AVPR1A: variants seen among roughly 807,000 people sequenced by gnomAD.
The protein encoded by AVPR1A is arginine vasopressin receptor 1A, also known as vasopressin V1a receptor.
In AVPR1A, 31 loss-of-function variants were observed where a neutral mutation model predicts 31.5. The observed-to-expected ratio is 0.99, with a 90% CI of 0.74 to 1.33. AVPR1A has a LOEUF of 1.33. Ranked by LOEUF, AVPR1A falls within the 40% of genes most tolerant of loss-of-function variation. AVPR1A has a pLI of 0.00. For synonymous variants in AVPR1A, 243 were observed against 233.2 expected (o/e 1.04, Z -0.38); for missense variants, 570 against 575.2 (o/e 0.99, Z 0.09).
In AVPR1A at chr12:63,144,362, A is replaced by G. The variant is rs1868342099; in HGVS notation, c.*2997T>C. On this transcript the variant is annotated 3_prime_UTR_variant, in exon 2 of 2. Transcript: ENST00000299178. Reference sequence around the variant, plus strand: ...TGTTTATTTACCATCATCAGTTAATATTCATCAAATGCCCAACTGATTAGT... The same window carrying G: ...TGTTTATTTACCATCATCAGTTAATGTTCATCAAATGCCCAACTGATTAGT... The G allele has an allele frequency of 1.3e-5, 2 of 152,220 alleles. No homozygotes were observed. The highest frequency in any genetic ancestry group is 6.5e-5 in the Admixed American group (1 of 15,282). The allele number at this position is 152,220 out of a possible 1,614,324, so 9.4% of individuals were successfully genotyped here.
In AVPR1A at chr12:63,145,369, C is replaced by G. The variant is rs906633257; in HGVS notation, c.*1990G>C. ...GCTTCCGGGTTCTCACAGTGCTATC[C>G]AGTTCTCATTTTCTTATCTACAAAG... On this transcript the variant is annotated 3_prime_UTR_variant, in exon 2 of 2. Transcript: ENST00000299178. The G allele has an allele frequency of 6.6e-6, 3 of 455,534 alleles. No homozygotes were observed. Among genetic ancestry groups the G allele is most frequent in the African/African-American group, 6.0e-5 (3 of 49,976 alleles). The allele number at this position is 455,534 out of a possible 1,614,324, so 28.2% of individuals were successfully genotyped here.
In AVPR1A at chr12:63,150,458, C is replaced by A; in HGVS notation, c.379G>T (p.Val127Leu). Reference protein sequence around the residue: ...FRGPDWLCRVVKHLQVFGMFA... With the variant: ...FRGPDWLCRVLKHLQVFGMFA... ...ATGCCGAACACCTGCAGGTGCTTCA[C>A]CACGCGGCACAGCCAGTCGGGGCCG... Residue 127 changes from valine (V) to leucine (L), a missense_variant, in exon 1 of 2, where the codon GTG (valine) becomes TTG (leucine). Coordinates refer to ENST00000299178, the MANE Select transcript of AVPR1A (RefSeq NM_000706.5). This position sits in a 1 kb window ranked among gnomAD's most constrained non-coding sequence, Gnocchi z 4.9. The A allele has an allele frequency of 6.2e-7, 1 of 1,613,564 alleles. No homozygotes were observed. Among genetic ancestry groups the A allele is most frequent in the South Asian group, 1.1e-5 (1 of 91,048 alleles).
At position 63,147,343 on chromosome 12, in the gene AVPR1A, T is replaced by G. The variant is rs373731451; in HGVS notation, c.*16A>C. ...AAAAAGTCAATCACAAGAATCAAGT[T>G]GCATGAATGCAAGGCTCAAGTTGAA... is the stretch of plus-strand genomic sequence containing the variant. On this transcript the variant is annotated 3_prime_UTR_variant, in exon 2 of 2. Transcript: ENST00000299178. 8 of 1,606,364 alleles carry G rather than the reference T, an allele frequency of 5.0e-6. No homozygotes were observed. The highest frequency in any genetic ancestry group is 6.8e-6 in the Non-Finnish European group (8 of 1,173,822).
chr12:63,150,245 T>C lies in AVPR1A; in HGVS notation c.592A>G (p.Thr198Ala), dbSNP rs1868442688. The stretch of plus-strand genomic sequence containing the variant: ...GTGGCCCAGCAGTCGCGGGCCTTGG[T>C]GACATTGTTCACCTCGATCATGGAG... Reference protein sequence around the residue: ...VFSMIEVNNVTKARDCWATFI... With the variant: ...VFSMIEVNNVAKARDCWATFI... Residue 198 changes from threonine (T) to alanine (A), a missense_variant, in exon 1 of 2, where the codon ACC becomes GCC. By Grantham distance (58) the Thr-to-Ala change is moderately conservative. Coordinates refer to ENST00000299178, the MANE Select transcript of AVPR1A (RefSeq NM_000706.5). This position sits in a 1 kb window ranked among gnomAD's most constrained non-coding sequence, Gnocchi z 4.9. 1 of 1,613,818 alleles carries C rather than the reference T, an allele frequency of 6.2e-7. No individual in the cohort carries two copies. Among genetic ancestry groups the C allele is most frequent in the Non-Finnish European group, 8.5e-7 (1 of 1,180,012 alleles).
chr12:63,145,403 A>G lies in AVPR1A; in HGVS notation c.*1956T>C, dbSNP rs1316010499. The G allele has an allele frequency of 2.2e-6, 1 of 455,088 alleles. No homozygotes were observed. The highest frequency in any genetic ancestry group is 4.4e-6 in the Non-Finnish European group (1 of 226,628). 28.2% of individuals were successfully genotyped at this position (455,088 alleles called of 1,614,324 possible). A position where few individuals can be genotyped will look rare whatever the true frequency, so the allele number is the denominator to read the frequency against. The stretch of plus-strand genomic sequence containing the variant: ...TTTTCTTATCTACAAAGGTAAAAAA[A>G]GAAACTCAATAATACTATTAAAACC... On this transcript the variant is annotated 3_prime_UTR_variant, in exon 2 of 2. Transcript: ENST00000299178.
chr12:63,150,595 C>T lies in AVPR1A; in HGVS notation c.242G>A (p.Arg81His), dbSNP rs372577812. 28 of 1,610,514 alleles carry T rather than the reference C, an allele frequency of 1.7e-5. No individual in the cohort carries two copies. In the African/African-American group the frequency reaches 3.5e-4, roughly 20 times the overall value. ...SVLLALHRTP[R>H]KTSRMHLFIR... ...GAAGAGGTGCATGCGGGACGTCTTG[C>T]GCGGCGTCCGGTGCAGAGCCAGCAG... Residue 81 changes from arginine to histidine, a missense_variant, in exon 1 of 2, where the codon CGC (arginine) becomes CAC (histidine). Transcript: ENST00000299178. This position sits in a 1 kb window ranked among gnomAD's most constrained non-coding sequence, Gnocchi z 4.9.
In AVPR1A at chr12:63,144,936, T is replaced by TG. The variant is rs1482913586; in HGVS notation, c.*2422dup. 6.6e-6 allele frequency: 1 copy of TG among 152,586 alleles called. No individual in the cohort carries two copies. Among genetic ancestry groups the TG allele is most frequent in the African/African-American group, 2.4e-5 (1 of 41,440 alleles). 9.5% of individuals were successfully genotyped at this position (152,586 alleles called of 1,614,324 possible). On this transcript the variant is annotated 3_prime_UTR_variant, in exon 2 of 2. Transcript: ENST00000299178. Reference sequence around the variant, plus strand: ...AACATTCAAATTGAATTGTTTTGCTTGGGGGTACATATCAACATTTTGAAG... The same window carrying TG: ...AACATTCAAATTGAATTGTTTTGCTTGGGGGGTACATATCAACATTTTGAAG...
intron 1 of AVPR1A, 25 bp from the exon 2 acceptor site, chr12:63,147,670 T>A (rs1314129778): frequency 6.2e-7 from 1 of 1,600,982 alleles, no homozygotes; most frequent in Non-Finnish European, 8.5e-7. Flanking sequence ...TAAAGGGAAA[T>A]CATGTAATGT....
Position 63,150,000 on chromosome 12 carries a change from C to T in AVPR1A, c.837G>A (p.Val279=), listed in dbSNP as rs1868433746. 1 of 1,614,040 alleles carries T rather than the reference C, an allele frequency of 6.2e-7. No individual in the cohort carries two copies. The highest frequency in any genetic ancestry group is 8.5e-7 in the Non-Finnish European group (1 of 1,180,046). Residue 279 remains valine (V), a synonymous_variant, in exon 1 of 2, where the codon GTG becomes GTA. Coordinates refer to ENST00000299178, the MANE Select transcript of AVPR1A (RefSeq NM_000706.5). ...GFLLAPCVSS[V]KSISRAKIRT... ...GGATCTTGGCCCGGGAAATGGACTT[C>T]ACGCTGCTGACACAGGGTGCGAGCA...
rs181053969 is a variant in AVPR1A at position 63,150,267 on chromosome 12, G to A, written c.570C>T (p.Ser190=). The change falls in exon 1 of 2, where the codon TCC becomes TCT. Residue 190 remains serine, a synonymous_variant. Transcript: ENST00000299178. The surrounding 1 kb of genome is among the most constrained non-coding windows in gnomAD (Gnocchi z 4.9). ...TGGTGACATTGTTCACCTCGATCAT[G>A]GAGAAGACGAAGTACTGCGGCGTGC... ...VLSTPQYFVF[S]MIEVNNVTKA... 3 of 1,613,810 alleles carry A rather than the reference G, an allele frequency of 1.9e-6. No individual in the cohort carries two copies. The highest frequency in any genetic ancestry group is 2.5e-6 in the Non-Finnish European group (3 of 1,180,050).
chr12:63,144,982 GT>G lies in AVPR1A; in HGVS notation c.*2376del, dbSNP rs36014760. 16,734 of 155,406 alleles carry G rather than the reference GT, an allele frequency of 0.11. 1,103 individuals carry two copies. Among genetic ancestry groups the G allele is most frequent in the South Asian group, 0.16 (843 of 5,180 alleles). 9.6% of individuals were successfully genotyped at this position (155,406 alleles called of 1,614,324 possible). ...TGAAGCAAGATCTATAGGTTCTGAG[GT>G]TCTTACTTTGGAAATGGATTTAGAA... On this transcript the variant is annotated 3_prime_UTR_variant, in exon 2 of 2. Coordinates refer to ENST00000299178, the MANE Select transcript of AVPR1A (RefSeq NM_000706.5).
rs1392060259 is a variant in AVPR1A, at chr12:63,150,660, C to G, written c.177G>C (p.Ala59=). 1.9e-6 allele frequency: 3 copies of G among 1,608,948 alleles called. No individual in the cohort carries two copies. Among genetic ancestry groups the G allele is most frequent in the African/African-American group, 2.7e-5 (2 of 74,940 alleles). The part of the protein sequence containing the change: ...ELAKLEIAVL[A]VTFAVAVLGN... ...CCAGCACGGCCACCGCGAAAGTCAC[C>G]GCCAGCACGGCGATCTCCAGTTTGG... is the stretch of plus-strand genomic sequence containing the variant. The change falls in exon 1 of 2, where the codon GCG becomes GCC. Residue 59 remains alanine (A), a synonymous_variant. Transcript: ENST00000299178. The surrounding 1 kb of genome is among the most constrained non-coding windows in gnomAD (Gnocchi z 4.9).
rs1592331401 is a variant in AVPR1A at position 63,145,606 on chromosome 12, A to G, written c.*1753T>C. 1 of 190,256 alleles carries G rather than the reference A, an allele frequency of 5.3e-6. No homozygotes were observed. Among genetic ancestry groups the G allele is most frequent in the East Asian group, 1.3e-4 (1 of 7,490 alleles). The allele number at this position is 190,256 out of a possible 1,614,324, so 11.8% of individuals were successfully genotyped here. On this transcript the variant is annotated 3_prime_UTR_variant, in exon 2 of 2. Coordinates refer to ENST00000299178, the MANE Select transcript of AVPR1A (RefSeq NM_000706.5). ...CGCCACTGCACTCCAGCCTGGCAAAAGAGCAAGACTCTGTTTCAAAAAAAA... is the reference window on the plus strand; with the variant it reads ...CGCCACTGCACTCCAGCCTGGCAAAGGAGCAAGACTCTGTTTCAAAAAAAA...
rs1283534166 is a variant in AVPR1A at position 63,143,849 on chromosome 12, G to A, written c.*3510C>T. On this transcript the variant is annotated 3_prime_UTR_variant, in exon 2 of 2. Transcript: ENST00000299178. ...TCTAACCTCTGATATTTGGGGTGAA[G>A]GATTAGGTTTAATTTCTCCCTGGTT... is the stretch of plus-strand genomic sequence containing the variant. 2 of 152,124 alleles carry A rather than the reference G, an allele frequency of 1.3e-5. No individual in the cohort carries two copies. Among genetic ancestry groups the A allele is most frequent in the Non-Finnish European group, 2.9e-5 (2 of 68,026 alleles). 9.4% of individuals were successfully genotyped at this position (152,124 alleles called of 1,614,324 possible). A position where few individuals can be genotyped will look rare whatever the true frequency, so the allele number is the denominator to read the frequency against.
Position 63,149,798 on chromosome 12 carries a change from T to TCACA in AVPR1A, c.970+65_970+68dup, listed in dbSNP as rs34199280. 664 of 937,354 alleles carry TCACA rather than the reference T, an allele frequency of 7.1e-4. 3 individuals are homozygous for TCACA. The highest frequency in any genetic ancestry group is 3.7e-3 in the South Asian group (171 of 45,892). The allele number at this position is 937,354 out of a possible 1,614,324, so 58.1% of individuals were successfully genotyped here. ...CTCTCTCTCTCTCTCTCTCTCTCTC[T>TCACA]CACACACACACACACACACACACAC... On this transcript the variant is annotated intron_variant, in intron 1 of 1. Transcript: ENST00000299178.
In AVPR1A at chr12:63,145,274, C is replaced by A. The variant is rs1868348815; in HGVS notation, c.*2085G>T. On this transcript the variant is annotated 3_prime_UTR_variant, in exon 2 of 2. Coordinates refer to ENST00000299178, the MANE Select transcript of AVPR1A (RefSeq NM_000706.5). Reference sequence around the variant, plus strand: ...AAGCATTTGGAAACATGTTTTTAGGCCTATCAATACAAGGAGCCTAAGGGC... The same window carrying A: ...AAGCATTTGGAAACATGTTTTTAGGACTATCAATACAAGGAGCCTAAGGGC... 4 of 421,986 alleles carry A rather than the reference C, an allele frequency of 9.5e-6. No homozygotes were observed. Among genetic ancestry groups the A allele is most frequent in the Non-Finnish European group, 1.8e-5 (4 of 216,838 alleles). The allele number at this position is 421,986 out of a possible 1,614,324, so 26.1% of individuals were successfully genotyped here.
At position 63,147,437 on chromosome 12, in the gene AVPR1A, G is replaced by T; in HGVS notation, c.1179C>A (p.Ser393Arg). Residue 393 changes from serine to arginine, a missense_variant, in exon 2 of 2, where the codon AGC becomes AGA. By Grantham distance (110) the Ser-to-Arg change is moderately radical (BLOSUM62 -1). Transcript: ENST00000299178. ...TCCACATACCCGTACTGTTTGTTGG[G>T]CTTCGATTGTTAGAATAAAAAGTCT... ...RRQTFYSNNRSPTNSTGMWKD... is the reference protein window; with the variant it reads ...RRQTFYSNNRRPTNSTGMWKD... 1.2e-6 allele frequency: 2 copies of T among 1,614,104 alleles called. No homozygotes were observed. Among genetic ancestry groups the T allele is most frequent in the East Asian group, 2.2e-5 (1 of 44,870 alleles).
At chr12:63,149,794 T>TCACACACACACACACACA (rs1290551577) in intron 1 of AVPR1A, 73 bp downstream of exon 1, 1 of 1,288,188 alleles carries the variant, frequency 7.8e-7, no homozygotes, top group African/African-American at 1.7e-5. Flanking sequence ...TCTCTCTCTC[T>TCACACACACACACACACA]CTCTCACACA....
rs1263746091 is a variant in AVPR1A at position 63,146,229 on chromosome 12, A to G, written c.*1130T>C. On this transcript the variant is annotated 3_prime_UTR_variant, in exon 2 of 2. Transcript: ENST00000299178. The stretch of plus-strand genomic sequence containing the variant: ...TTATATGTGTTTAAGAAACTTGCCT[A>G]AAGTTGTGGATTTAATAATGAAGGA... 5.3e-5 allele frequency: 8 copies of G among 152,214 alleles called. No individual in the cohort carries two copies. Among genetic ancestry groups the G allele is most frequent in the Non-Finnish European group, 7.3e-5 (5 of 68,038 alleles). The allele number at this position is 152,214 out of a possible 1,614,324, so 9.4% of individuals were successfully genotyped here. A position where few individuals can be genotyped will look rare whatever the true frequency, so the allele number is the denominator to read the frequency against.
Sources: allele counts gnomAD v4.1 joint callset, GRCh38; gene constraint gnomAD v4.1.1; non-coding constraint Gnocchi (gnomAD v3.1); transcripts MANE v1.5; gene names NCBI Gene and HGNC (gene_info 2026-07-23, HGNC 2026-07-21).